Variants in NETO2 observed in about 807,000 individuals in gnomAD.
The protein encoded by NETO2 is neuropilin and tolloid like 2.
In NETO2, 28 loss-of-function variants were observed where a neutral mutation model predicts 62.5. The ratio of observed to expected loss-of-function variants is 0.45; its 90% CI spans 0.33 to 0.61. The LOEUF (loss-of-function observed/expected upper bound fraction) is 0.61. Among genes scored for constraint, NETO2 ranks in the 20% least tolerant of loss-of-function variants. The pLI, the probability that NETO2 is intolerant of heterozygous loss-of-function variation, is 0.02. For synonymous variants in NETO2, 214 were observed against 219.1 expected, an observed-to-expected ratio of 0.98 and a Z score of 0.21; for missense variants, 548 against 643.2, an observed-to-expected ratio of 0.85 and a Z score of 1.60.
chr16:47,122,938 A>T, intron 4 of NETO2, 26 bp from the exon 5 acceptor site: 1 of 1,604,828 alleles, frequency 6.2e-7, no homozygotes, highest in Non-Finnish European at 8.5e-7. Flanking sequence ...GAAGAAAGTC[A>T]TTGGTACTGA....
intron 7 of NETO2, 35 bp from the exon 8 acceptor site, chr16:47,086,374 G>A: frequency 7.3e-7 from 1 of 1,370,006 alleles, no homozygotes; most frequent in Non-Finnish European, 1.0e-6. Context: ...CAAAGAGCAG[G>A]CAGACCACCT....
chr16:47,125,892 A>G (rs1048174028), intron 4 of NETO2, among the ~76,000 whole-genome samples: 2 of 152,198 alleles, frequency 1.3e-5, no homozygotes, highest in Non-Finnish European at 2.9e-5. Flanking sequence ...GGCATTAAGC[A>G]CATTTACAAT....
At chr16:47,121,179 T>A (rs1008171505) in intron 6 of NETO2, among the ~76,000 whole-genome samples, 5 of 152,222 alleles carry the variant, frequency 3.3e-5, no homozygotes, top group African/African-American at 9.6e-5. Flanking sequence ...TCATCTCTGT[T>A]TCCTTCTTGT....
At chr16:47,101,492 A>G (rs1380315696) in intron 7 of NETO2, among the ~76,000 whole-genome samples, 5 of 152,202 alleles carry the variant, frequency 3.3e-5, no homozygotes, top group Admixed American at 6.5e-5. Context: ...CGGAAGTTAA[A>G]TTGTCTCTGT....
intron 1 of NETO2, among the ~76,000 whole-genome samples, chr16:47,139,406 C>T (rs1964422242): frequency 6.6e-6 from 1 of 152,176 alleles, no homozygotes; most frequent in Admixed American, 6.5e-5. Flanking sequence ...TTTCCTCAAG[C>T]TGGCTCAATT....
At position 47,143,821 on chromosome 16, in the gene NETO2, G is replaced by A. The variant is rs940164796; in HGVS notation, c.-209C>T. The A allele has an allele frequency of 2.4e-5, 13 of 541,888 alleles. No homozygotes were observed. In the East Asian group the frequency reaches 4.5e-4, roughly 19 times the overall value. The allele number at this position is 541,888 out of a possible 1,614,324, so 33.6% of individuals were successfully genotyped here. On this transcript the variant is annotated 5_prime_UTR_variant, in exon 1 of 9. Coordinates refer to ENST00000562435, the MANE Select transcript of NETO2 (RefSeq NM_018092.5). ...TCCCGCGCGGCCCGAGCACCCCGACGGGCGCCGCCTCCTGCTCCGCGGCGC... is the reference window on the plus strand; with the variant it reads ...TCCCGCGCGGCCCGAGCACCCCGACAGGCGCCGCCTCCTGCTCCGCGGCGC...
intron 7 of NETO2, among the ~76,000 whole-genome samples, chr16:47,092,608 A>G (rs999483082): frequency 6.6e-6 from 1 of 152,204 alleles, no homozygotes; most frequent in African/African-American, 2.4e-5. Flanking sequence ...TAAGAAGGCT[A>G]AAAGCCTTTC....
At chr16:47,121,718 T>A (rs1964044427) in intron 6 of NETO2, among the ~76,000 whole-genome samples, 2 of 152,176 alleles carry the variant, frequency 1.3e-5, no homozygotes, top group Non-Finnish European at 1.5e-5. Flanking sequence ...GTATGGGAAT[T>A]AAAAGGAAGC....
At chr16:47,137,805 G>A (rs984307241) in intron 1 of NETO2, among the ~76,000 whole-genome samples, 14 of 152,010 alleles carry the variant, frequency 9.2e-5, no homozygotes, top group Non-Finnish European at 1.5e-4. Flanking sequence ...TTAGCATTAG[G>A]TTTGGCATGA....
At chr16:47,091,397 T>TTC (rs1253575061) in intron 7 of NETO2, among the ~76,000 whole-genome samples, 1 of 152,162 alleles carries the variant, frequency 6.6e-6, no homozygotes, top group East Asian at 1.9e-4. Context: ...CTAAAACACA[T>TTC]TAGAGAAGAA....
rs1429768001 is a variant in NETO2 at position 47,080,581 on chromosome 16, T to C, written c.*2640A>G. On this transcript the variant is annotated 3_prime_UTR_variant, in exon 9 of 9. Coordinates refer to ENST00000562435, the MANE Select transcript of NETO2 (RefSeq NM_018092.5). ...ATTTATTAGTTCCATTCTTACCTCT[T>C]CCAAAAGCATAGAGAAGTTTAATAA... The C allele has an allele frequency of 6.6e-6, 1 of 152,178 alleles. No individual in the cohort carries two copies. The highest frequency in any genetic ancestry group is 2.4e-5 in the African/African-American group (1 of 41,450). The allele number at this position is 152,178 out of a possible 1,614,324, so 9.4% of individuals were successfully genotyped here. A position where few individuals can be genotyped will look rare whatever the true frequency, so the allele number is the denominator to read the frequency against.
At chr16:47,139,674 C>T (rs1167713334) in intron 1 of NETO2, among the ~76,000 whole-genome samples, 1 of 152,176 alleles carries the variant, frequency 6.6e-6, no homozygotes, top group African/African-American at 2.4e-5. Flanking sequence ...CTCAATCATA[C>T]TTTACTAGTT....
At chr16:47,106,375 T>C (rs563676922) in intron 7 of NETO2, among the ~76,000 whole-genome samples, 2 of 152,048 alleles carry the variant, frequency 1.3e-5, no homozygotes, top group Admixed American at 6.6e-5. Context: ...CTAAAGACAG[T>C]GGTGATGGTT....
At chr16:47,087,814 C>T (rs1963226687) in intron 7 of NETO2, among the ~76,000 whole-genome samples, 1 of 152,114 alleles carries the variant, frequency 6.6e-6, no homozygotes, top group Admixed American at 6.5e-5. Context: ...GTGAAAATCC[C>T]CTTGCTTCTC....
intron 1 of NETO2, 64 bp from the exon 2 acceptor site, chr16:47,132,089 TAAATA>T: frequency 8.2e-7 from 1 of 1,214,452 alleles, no homozygotes; most frequent in Non-Finnish European, 1.2e-6. Context: ...ACTAAGTCAA[TAAATA>T]AAATTGGATG....
chr16:47,107,149 T>C (rs1963694019), intron 7 of NETO2, among the ~76,000 whole-genome samples: 2 of 152,098 alleles, frequency 1.3e-5, no homozygotes, highest in African/African-American at 4.8e-5. Context: ...TAAGAAAAAA[T>C]GGCACATAAG....
At chr16:47,097,489 C>A (rs1417161074) in intron 7 of NETO2, among the ~76,000 whole-genome samples, 4 of 152,230 alleles carry the variant, frequency 2.6e-5, no homozygotes, top group Non-Finnish European at 5.9e-5. Context: ...CCTCTCTGGG[C>A]AGGGCATCTC....
chr16:47,096,186 T>C (rs1963423885), intron 7 of NETO2, among the ~76,000 whole-genome samples: 1 of 152,158 alleles, frequency 6.6e-6, no homozygotes, highest in Non-Finnish European at 1.5e-5. Context: ...AATTTACACC[T>C]GTAAATGCCT....
At chr16:47,102,586 T>A (rs1311783465) in intron 7 of NETO2, among the ~76,000 whole-genome samples, 2 of 144,630 alleles carry the variant, frequency 1.4e-5, no homozygotes. Context: ...TTAAACAAAT[T>A]TACAAGAAAA....
Sources: gnomAD v4.1 joint callset for allele counts (sites outside exome capture counted in the v4.1 genomes callset) on GRCh38, gnomAD v4.1.1 for gene constraint, MANE v1.5 for transcripts, NCBI Gene and HGNC (gene_info 2026-07-23, HGNC 2026-07-21) for gene names.